The following SIPA1L1 variants were observed in gnomAD, a reference collection of about 807,000 sequenced individuals.
SIPA1L1 encodes the protein signal induced proliferation associated 1 like 1, also known as signal-induced proliferation-associated 1-like protein 1.
In SIPA1L1, 26 loss-of-function variants were observed where a neutral mutation model predicts 162.7. That is an observed-to-expected ratio of 0.16 (90% CI 0.12 to 0.22). The LOEUF (loss-of-function observed/expected upper bound fraction) is 0.22. SIPA1L1 is among the 10% of genes least tolerant of loss of function. The pLI is 1.00. For synonymous variants in SIPA1L1, 829 were observed against 837.4 expected (o/e 0.99, Z 0.17); for missense variants, 1,874 against 2,241.0 (o/e 0.84, Z 3.31).
At chr14:71,723,104 G>A (rs1157382161) in intron 17 of SIPA1L1, among the ~76,000 whole-genome samples, 2 of 152,156 alleles carry the variant, frequency 1.3e-5, no homozygotes, top group Non-Finnish European at 2.9e-5. Flanking sequence ...GAAATACATC[G>A]ACCAGCAGCT....
At chr14:71,655,386 G>A (rs184475201) in intron 8 of SIPA1L1, among the ~76,000 whole-genome samples, 8 of 152,156 alleles carry the variant, frequency 5.3e-5, no homozygotes, top group Admixed American at 3.3e-4. Flanking sequence ...AGACACTTAG[G>A]TCGATTCCAT....
intron 2 of SIPA1L1, among the ~76,000 whole-genome samples, chr14:71,353,672 T>G (rs1272639327): frequency 6.6e-6 from 1 of 152,124 alleles, no homozygotes; most frequent in African/African-American, 2.4e-5. Flanking sequence ...TGACTAGACC[T>G]GGTGGTGGCA....
intron 2 of SIPA1L1, among the ~76,000 whole-genome samples, chr14:71,367,293 AC>A (rs1290650068): frequency 6.7e-6 from 1 of 149,610 alleles, no homozygotes; most frequent in Admixed American, 6.7e-5. Flanking sequence ...AAGCTAATGA[AC>A]ATTCATTGCT....
rs117197776 is a variant in SIPA1L1, at chr14:71,656,018, G to A, written c.1994-2315G>A. Among the ~76,000 whole-genome samples the A allele has an allele frequency of 3.9e-3, 586 of 152,142 alleles. 5 individuals carry two copies. Among genetic ancestry groups the A allele is most frequent in the Middle Eastern group, 0.01 (3 of 294 alleles). On this transcript the variant is annotated intron_variant, in intron 8 of 23. Coordinates refer to ENST00000381232, the MANE Select transcript of SIPA1L1 (RefSeq NM_001386936.1). ...TCTATGAAGTGCATAGTAATTTCAG[G>A]ATTTTGGAATTCTTTTCTTCTTGGA...
In SIPA1L1 at chr14:71,588,703, A is replaced by G; in HGVS notation, c.831A>G (p.Glu277=). Residue 277 remains glutamate, a synonymous_variant, in exon 5 of 24, where the codon GAA becomes GAG. Transcript: ENST00000381232. This position sits in a 1 kb window ranked among gnomAD's most constrained non-coding sequence, Gnocchi z 4.3. ...GAGAGAACCTCAGGCTTTTTAAGGA[A>G]AGGGAAAAACCACTCAAGCGACGTT... ...SQRENLRLFK[E]REKPLKRRSK... is the part of the protein sequence containing the mutation. The G allele has an allele frequency of 6.2e-7, 1 of 1,614,026 alleles. No homozygotes were observed. The highest frequency in any genetic ancestry group is 8.5e-7 in the Non-Finnish European group (1 of 1,179,978).
At chr14:71,369,554 G>T (rs2038676240) in intron 2 of SIPA1L1, among the ~76,000 whole-genome samples, 1 of 52,880 alleles carries the variant, frequency 1.9e-5, no homozygotes, top group Admixed American at 2.2e-4. Flanking sequence ...ATGCTGTTTT[G>T]GTTACTGTAG....
chr14:71,577,529 AC>A (rs1287389836), intron 4 of SIPA1L1, among the ~76,000 whole-genome samples: 3 of 151,886 alleles, frequency 2.0e-5, no homozygotes, highest in Non-Finnish European at 4.4e-5. Context: ...GGCACATAGC[AC>A]CACACCCAGC....
chr14:71,666,373 A>G (rs1160026826), intron 10 of SIPA1L1, among the ~76,000 whole-genome samples: 1 of 152,214 alleles, frequency 6.6e-6, no homozygotes, highest in Non-Finnish European at 1.5e-5. Context: ...CTACAGAATA[A>G]AACATTTTTT....
chr14:71,551,211 C>T (rs1465509163), intron 4 of SIPA1L1, among the ~76,000 whole-genome samples: 1 of 152,120 alleles, frequency 6.6e-6, no homozygotes, highest in Non-Finnish European at 1.5e-5. Context: ...GAATTGGAAG[C>T]TGTAGTGAGC....
chr14:71,405,192 A>T (rs1228815237), intron 2 of SIPA1L1, among the ~76,000 whole-genome samples: 1 of 152,238 alleles, frequency 6.6e-6, no homozygotes, highest in Non-Finnish European at 1.5e-5. Flanking sequence ...TTAAGTAGAT[A>T]GATTGACCAG....
intron 3 of SIPA1L1, among the ~76,000 whole-genome samples, chr14:71,525,621 T>C (rs907581413): frequency 6.6e-6 from 1 of 152,230 alleles, no homozygotes; most frequent in African/African-American, 2.4e-5. Context: ...GTCAAGACTG[T>C]ATCATTGCCA....
At chr14:71,546,903 T>C (rs144081237) in intron 4 of SIPA1L1, among the ~76,000 whole-genome samples, 2 of 152,294 alleles carry the variant, frequency 1.3e-5, no homozygotes, top group African/African-American at 2.4e-5. Context: ...GTACCACTTA[T>C]TTTTGCTCCT....
At chr14:71,575,876 G>A (rs1022896211) in intron 4 of SIPA1L1, among the ~76,000 whole-genome samples, 1 of 152,196 alleles carries the variant, frequency 6.6e-6, no homozygotes, top group Non-Finnish European at 1.5e-5. Context: ...GGCTCTTCAA[G>A]AGAGAAAGAT....
chr14:71,722,375 A>C (rs543139396), intron 17 of SIPA1L1, among the ~76,000 whole-genome samples: 5 of 152,190 alleles, frequency 3.3e-5, no homozygotes, highest in Admixed American at 6.5e-5. Flanking sequence ...TAGAGTCTGT[A>C]CTTTATTTAG....
chr14:71,361,961 T>C (rs777736521), intron 2 of SIPA1L1, among the ~76,000 whole-genome samples: 1 of 152,190 alleles, frequency 6.6e-6, no homozygotes, highest in Non-Finnish European at 1.5e-5. Flanking sequence ...CACTAGCTAA[T>C]TTAGTAGCTT....
intron 5 of SIPA1L1, among the ~76,000 whole-genome samples, chr14:71,611,222 C>T (rs2038166038): frequency 6.6e-6 from 1 of 152,064 alleles, no homozygotes; most frequent in Admixed American, 6.6e-5. Context: ...ACCTGTGTTT[C>T]CTTTTAACAA....
chr14:71,693,067 G>T (rs1010323370), intron 13 of SIPA1L1, among the ~76,000 whole-genome samples: 1 of 152,162 alleles, frequency 6.6e-6, no homozygotes, highest in Non-Finnish European at 1.5e-5. Flanking sequence ...TACCCAAAAT[G>T]CTTGAACCAG....
intron 5 of SIPA1L1, among the ~76,000 whole-genome samples, chr14:71,612,811 C>T (rs2038382643): frequency 6.6e-6 from 1 of 152,136 alleles, no homozygotes; most frequent in Non-Finnish European, 1.5e-5. Flanking sequence ...TTGAACTATT[C>T]GCTGTTTCCC....
intron 2 of SIPA1L1, among the ~76,000 whole-genome samples, chr14:71,378,477 G>T (rs901890577): frequency 6.6e-6 from 1 of 152,066 alleles, no homozygotes; most frequent in Non-Finnish European, 1.5e-5. Flanking sequence ...TAGATATCCT[G>T]TTATTGATTT....
Sources: allele counts gnomAD v4.1 joint callset (sites outside exome capture counted in the v4.1 genomes callset), GRCh38; gene constraint gnomAD v4.1.1; non-coding constraint Gnocchi (gnomAD v3.1); transcripts MANE v1.5; gene names NCBI Gene and HGNC (gene_info 2026-07-23, HGNC 2026-07-21).